Variants in SMC5 observed in about 807,000 individuals in gnomAD.
The protein encoded by SMC5 is structural maintenance of chromosomes protein 5.
In SMC5, 88 loss-of-function variants were observed where a neutral mutation model predicts 148.3. The observed-to-expected ratio is 0.59, with a 90% CI of 0.50 to 0.71. SMC5 has a LOEUF of 0.71. Ranked by LOEUF, SMC5 falls within the 30% of genes least tolerant of loss-of-function variation. SMC5 has a pLI of 0.00. For missense variants in SMC5, 1,142 were observed against 1,298.9 expected (o/e 0.88, Z 1.86); for synonymous variants, 421 against 432.8 (o/e 0.97, Z 0.34).
intron 22 of SMC5, 91 bp downstream of exon 22, chr9:70,348,129 T>G: frequency 4.1e-6 from 5 of 1,206,048 alleles, no homozygotes; most frequent in Non-Finnish European, 1.1e-6. Context: ...TACTTTTGAG[T>G]TATATCTGTG....
At chr9:70,335,142 A>G (rs2036325709) in intron 17 of SMC5, among the ~76,000 whole-genome samples, 1 of 152,178 alleles carries the variant, frequency 6.6e-6, no homozygotes, top group Non-Finnish European at 1.5e-5. Context: ...ATGAAAGAAT[A>G]TGTCTATGAA....
At chr9:70,324,274 A>G in intron 17 of SMC5, 131 bp downstream of exon 17, 7 of 883,134 alleles carry the variant, frequency 7.9e-6, no homozygotes, top group Non-Finnish European at 1.2e-5. Flanking sequence ...TTAATGCATC[A>G]TGTTGATGAG....
chr9:70,315,317 A>G (rs1343624149), intron 12 of SMC5, 129 bp from the exon 13 acceptor site: 1 of 462,416 alleles, frequency 2.2e-6, no homozygotes. Flanking sequence ...ATAAAAGAAA[A>G]AAGACTTGTC....
Position 70,305,365 on chromosome 9 carries a change from G to A in SMC5, c.1578+5G>A, listed in dbSNP as rs2035469392. ...ATGGAGGTTTTCCTCAAAGAGGCAA[G>A]TACTAACCAACACAACACTTTGATT... is the stretch of plus-strand genomic sequence containing the variant. On this transcript the variant is annotated splice_donor_5th_base_variant and intron_variant, in intron 11 of 24. Transcript: ENST00000361138. 3 of 1,498,954 alleles carry A rather than the reference G, an allele frequency of 2.0e-6. No individual in the cohort carries two copies. In the Admixed American group the frequency reaches 5.3e-5, roughly 27 times the overall value. 92.9% of individuals were successfully genotyped at this position (1,498,954 alleles called of 1,614,324 possible).
At chr9:70,336,165 C>G (rs1049584455) in intron 17 of SMC5, among the ~76,000 whole-genome samples, 3 of 152,034 alleles carry the variant, frequency 2.0e-5, no homozygotes, top group Non-Finnish European at 4.4e-5. Flanking sequence ...TATAGGGGTG[C>G]CTTTTTGTGG....
chr9:70,267,706 G>A (rs1449065414), intron 2 of SMC5, among the ~76,000 whole-genome samples: 9 of 152,142 alleles, frequency 5.9e-5, no homozygotes, highest in Non-Finnish European at 1.3e-4. Flanking sequence ...ATAGGAGTTC[G>A]ATAAATCTTA....
At chr9:70,262,394 C>T (rs2034162368) in intron 1 of SMC5, among the ~76,000 whole-genome samples, 1 of 152,148 alleles carries the variant, frequency 6.6e-6, no homozygotes, top group East Asian at 1.9e-4. Context: ...TAACAAGTGA[C>T]ATCAGATTTA....
At chr9:70,301,126 T>C (rs539150001) in intron 10 of SMC5, among the ~76,000 whole-genome samples, 3 of 152,264 alleles carry the variant, frequency 2.0e-5, no homozygotes, top group Admixed American at 1.3e-4. Context: ...ATTTCTATTT[T>C]AGATGCATTG....
At chr9:70,310,660 A>G (rs2035634055) in intron 11 of SMC5, among the ~76,000 whole-genome samples, 1 of 152,186 alleles carries the variant, frequency 6.6e-6, no homozygotes, top group Non-Finnish European at 1.5e-5. Context: ...GAATCCAGTC[A>G]TTGATTTCTT....
At chr9:70,259,806 C>A (rs542924013) in intron 1 of SMC5, among the ~76,000 whole-genome samples, 1 of 152,308 alleles carries the variant, frequency 6.6e-6, no homozygotes, top group South Asian at 2.1e-4. Context: ...CCCACTAAAC[C>A]CAGTTTTCTT....
chr9:70,261,847 A>G (rs797004878), intron 1 of SMC5, among the ~76,000 whole-genome samples: 29 of 152,376 alleles, frequency 1.9e-4, no homozygotes, highest in African/African-American at 6.0e-4. Flanking sequence ...AAAGAAGCCA[A>G]GGAAAAAGAA....
chr9:70,291,631 C>T (rs1464790125), intron 8 of SMC5, among the ~76,000 whole-genome samples: 1 of 152,180 alleles, frequency 6.6e-6, no homozygotes, highest in Non-Finnish European at 1.5e-5. Context: ...TAACTGTTAT[C>T]TGCTTCAGGC....
At chr9:70,264,231 C>T in intron 1 of SMC5, 73 bp from the exon 2 acceptor site, 1 of 1,384,846 alleles carries the variant, frequency 7.2e-7, no homozygotes, top group Non-Finnish European at 9.9e-7. Context: ...TTTGAGGAAG[C>T]TCATAGATAA....
chr9:70,298,325 T>C, intron 9 of SMC5, 104 bp downstream of exon 9: 1 of 1,297,062 alleles, frequency 7.7e-7, no homozygotes, highest in Non-Finnish European at 1.0e-6. Flanking sequence ...ATGTTCAAGT[T>C]GCCTTCTTGA....
chr9:70,282,373 G>A, intron 6 of SMC5, 49 bp from the exon 7 acceptor site: 2 of 1,514,452 alleles, frequency 1.3e-6, no homozygotes, highest in East Asian at 2.4e-5. Context: ...TAGTATATGT[G>A]TTAGTTTAAG....
intron 15 of SMC5, among the ~76,000 whole-genome samples, chr9:70,322,172 G>A (rs1159097152): frequency 1.3e-5 from 2 of 150,730 alleles, no homozygotes; most frequent in African/African-American, 4.8e-5. Flanking sequence ...GTTGTTTAAA[G>A]CAAGATATAT....
chr9:70,260,156 A>G (rs1288832360), intron 1 of SMC5, among the ~76,000 whole-genome samples: 1 of 151,272 alleles, frequency 6.6e-6, no homozygotes, highest in Non-Finnish European at 1.5e-5. Context: ...CCGGGCTGGA[A>G]GGTAGTGGCG....
At chr9:70,321,928 C>T (rs943971999) in intron 15 of SMC5, among the ~76,000 whole-genome samples, 7 of 152,068 alleles carry the variant, frequency 4.6e-5, no homozygotes, top group South Asian at 4.1e-4. Flanking sequence ...TCTGACTTCT[C>T]GTCTATAGAC....
chr9:70,329,326 A>G (rs1035167440), intron 17 of SMC5, among the ~76,000 whole-genome samples: 2 of 152,148 alleles, frequency 1.3e-5, no homozygotes, highest in African/African-American at 4.8e-5. Flanking sequence ...GTTTCAGGTC[A>G]CTTTTGTTTA....
Sources: gnomAD v4.1 joint callset for allele counts (sites outside exome capture counted in the v4.1 genomes callset) on GRCh38, gnomAD v4.1.1 for gene constraint, MANE v1.5 for transcripts, NCBI Gene and HGNC (gene_info 2026-07-23, HGNC 2026-07-21) for gene names.